PIK3R1: variants seen among roughly 807,000 people sequenced by gnomAD.
The protein encoded by PIK3R1 is phosphatidylinositol 3-kinase regulatory subunit alpha.
PIK3R1 carries 29 observed loss-of-function variants against 98.0 expected under a neutral mutation model. The ratio of observed to expected loss-of-function variants is 0.30; its 90% CI spans 0.22 to 0.40. The LOEUF is 0.40. Ranked by LOEUF, PIK3R1 falls within the 10% of genes least tolerant of loss-of-function variation. The probability of loss-of-function intolerance (pLI) is 1.00; values close to 1 mark genes in which losing one functional copy is unlikely to be tolerated. For synonymous variants in PIK3R1, 282 were observed against 311.8 expected (o/e 0.90, Z 1.01); for missense variants, 596 against 872.7 (o/e 0.68, Z 3.99).
chr5:68,252,392 G>T (rs1044696486), intron 2 of PIK3R1, among the ~76,000 whole-genome samples: 1 of 152,040 alleles, frequency 6.6e-6, no homozygotes, highest in Non-Finnish European at 1.5e-5. Context: ...AAAGTGGGGG[G>T]ATCAGATGCC....
chr5:68,263,885 A>G (rs1349830787), intron 2 of PIK3R1, among the ~76,000 whole-genome samples: 1 of 152,070 alleles, frequency 6.6e-6, no homozygotes, highest in African/African-American at 2.4e-5. Context: ...TTGATCATGG[A>G]TGCTTCAACT....
intron 2 of PIK3R1, among the ~76,000 whole-genome samples, chr5:68,258,492 G>A (rs1005444966): frequency 6.6e-6 from 1 of 152,026 alleles, no homozygotes; most frequent in Non-Finnish European, 1.5e-5. Flanking sequence ...TTGTCTTGTA[G>A]CCAGTATCAG....
At position 68,274,003 on chromosome 5, in the gene PIK3R1, T is replaced by G; in HGVS notation, c.492T>G (p.Leu164=). Residue 164 remains leucine (L), a synonymous_variant, in exon 4 of 16, where the codon CTT becomes CTG. Transcript: ENST00000521381. ...SSSNLAELRQ[L]LDCDTPSVDL... The stretch of plus-strand genomic sequence containing the variant: ...GCAACCTGGCAGAATTACGACAGCT[T>G]CTTGATTGTGGTGAGTGTCACAGAG... 8 of 1,613,552 alleles carry G rather than the reference T, an allele frequency of 5.0e-6. No homozygotes were observed. The highest frequency in any genetic ancestry group is 5.9e-6 in the Non-Finnish European group (7 of 1,179,480).
chr5:68,257,983 T>C (rs1399557513), intron 2 of PIK3R1, among the ~76,000 whole-genome samples: 7 of 152,226 alleles, frequency 4.6e-5, no homozygotes, highest in African/African-American at 1.7e-4. Context: ...CCTGACTTTT[T>C]AGAAGACATA....
intron 2 of PIK3R1, among the ~76,000 whole-genome samples, chr5:68,238,031 T>TGA (rs1195251117): frequency 3.9e-5 from 6 of 152,218 alleles, no homozygotes; most frequent in Non-Finnish European, 8.8e-5. Context: ...TGTTATATTC[T>TGA]GAGAATCCTG....
chr5:68,292,627 T>C (rs1747457414), intron 8 of PIK3R1: 2 of 1,419,378 alleles, frequency 1.4e-6, no homozygotes, highest in South Asian at 1.3e-5. Flanking sequence ...AAGAACAGAG[T>C]GTGAAGGCAC....
intron 7 of PIK3R1, chr5:68,288,401 G>T: frequency 8.4e-7 from 1 of 1,187,740 alleles, no homozygotes; most frequent in South Asian, 3.4e-5. Flanking sequence ...GAGCGCCTGG[G>T]CTCCTTTCCT....
intron 2 of PIK3R1, among the ~76,000 whole-genome samples, chr5:68,272,254 A>AG: frequency 7.9e-6 from 1 of 125,944 alleles, no homozygotes; most frequent in African/African-American, 3.5e-5. Context: ...CCCTGTCTCA[A>AG]AAAAAAAAAA....
chr5:68,240,452 C>T (rs930189976), intron 2 of PIK3R1, among the ~76,000 whole-genome samples: 1 of 152,240 alleles, frequency 6.6e-6, no homozygotes, highest in South Asian at 2.1e-4. Context: ...GCATAAAATT[C>T]ACAGTTGTTT....
Position 68,301,090 on chromosome 5 carries a change from C to A in PIK3R1, c.*3489C>A, listed in dbSNP as rs936259894. On this transcript the variant is annotated 3_prime_UTR_variant, in exon 16 of 16. Coordinates refer to ENST00000521381, the MANE Select transcript of PIK3R1 (RefSeq NM_181523.3). ...ACTGTGCTTTTGCTATGTATGGTATCCAAGTTAGTTGAAACGCAGACACTG... is the reference window on the plus strand; with the variant it reads ...ACTGTGCTTTTGCTATGTATGGTATACAAGTTAGTTGAAACGCAGACACTG... 9 of 230,660 alleles carry A rather than the reference C, an allele frequency of 3.9e-5. No homozygotes were observed. The highest frequency in any genetic ancestry group is 1.3e-3 in the Middle Eastern group (1 of 798). The allele number at this position is 230,660 out of a possible 1,614,324, so 14.3% of individuals were successfully genotyped here.
chr5:68,263,830 C>G (rs1477789423), intron 2 of PIK3R1, among the ~76,000 whole-genome samples: 1 of 152,176 alleles, frequency 6.6e-6, no homozygotes, highest in Non-Finnish European at 1.5e-5. Context: ...TTATTTTTCT[C>G]TGCAATTCCA....
chr5:68,279,116 C>T (rs949885222), intron 4 of PIK3R1, among the ~76,000 whole-genome samples: 1 of 152,154 alleles, frequency 6.6e-6, no homozygotes, highest in Non-Finnish European at 1.5e-5. Flanking sequence ...TCTCTGTGTC[C>T]TCATTTCCCC....
At chr5:68,242,176 G>A (rs750309880) in intron 2 of PIK3R1, among the ~76,000 whole-genome samples, 10 of 152,216 alleles carry the variant, frequency 6.6e-5, no homozygotes, top group Non-Finnish European at 8.8e-5. Flanking sequence ...ACTCCTTATA[G>A]CAATTCCAAC....
intron 11 of PIK3R1, among the ~76,000 whole-genome samples, chr5:68,294,043 G>T (rs1032862811): frequency 6.6e-6 from 1 of 152,180 alleles, no homozygotes; most frequent in East Asian, 1.9e-4. Flanking sequence ...TTAAGTTCAC[G>T]TGATAACTGA....
At chr5:68,253,341 G>C (rs186963168) in intron 2 of PIK3R1, among the ~76,000 whole-genome samples, 138 of 152,306 alleles carry the variant, frequency 9.1e-4, no homozygotes, top group African/African-American at 3.0e-3. Flanking sequence ...CTTGGAGAAA[G>C]AGCCAGCTAG....
chr5:68,273,626 G>T, intron 3 of PIK3R1, 144 bp downstream of exon 3: 1 of 714,728 alleles, frequency 1.4e-6, no homozygotes. Context: ...AACTGTTTGG[G>T]GCTAAGTACT....
intron 7 of PIK3R1, among the ~76,000 whole-genome samples, chr5:68,283,939 A>T (rs1380493106): frequency 6.6e-6 from 1 of 152,188 alleles, no homozygotes; most frequent in Non-Finnish European, 1.5e-5. Flanking sequence ...ATTAGCCCCC[A>T]TGGGTCACAT....
In PIK3R1 at chr5:68,229,129, T is replaced by TG. The variant is rs11313149; in HGVS notation, c.334+2129dup. On this transcript the variant is annotated intron_variant, in intron 2 of 15. Coordinates refer to ENST00000521381, the MANE Select transcript of PIK3R1 (RefSeq NM_181523.3). ...AACTGAAAGATTGAAAGGAGAGTGT[T>TG]GGGGGGGGGTCATGTGGGGAGTATA... is the stretch of plus-strand genomic sequence containing the variant. 4.8e-3 allele frequency among the ~76,000 whole-genome samples: 719 copies of TG among 148,692 alleles called. 3 individuals carry two copies. The highest frequency in any genetic ancestry group is 8.1e-3 in the Non-Finnish European group (540 of 66,760).
In PIK3R1 at chr5:68,273,937, A is replaced by C; in HGVS notation, c.428-2A>C. 6.2e-7 allele frequency: 1 copy of C among 1,612,566 alleles called. No homozygotes were observed. The highest frequency in any genetic ancestry group is 8.5e-7 in the Non-Finnish European group (1 of 1,178,616). ...TGGTCTGTGGTCTGTTTTGTGTCCT[A>C]GGTCTGGAATGTTCAACTCTATACA... On this transcript the variant is annotated splice_acceptor_variant, in intron 3 of 15. Transcript: ENST00000521381. LOFTEE classifies it high-confidence loss of function.
Sources: gnomAD v4.1 joint callset for allele counts (sites outside exome capture counted in the v4.1 genomes callset) on GRCh38, gnomAD v4.1.1 for gene constraint, MANE v1.5 for transcripts, NCBI Gene and HGNC (gene_info 2026-07-23, HGNC 2026-07-21) for gene names.